Variants in MACROD2 observed in about 807,000 individuals in gnomAD.
MACROD2 encodes the protein ADP-ribose glycohydrolase MACROD2.
A neutral mutation model predicts 70.4 loss-of-function variants in MACROD2; 36 were observed. The observed-to-expected ratio is 0.51, with a 90% CI of 0.39 to 0.68. The LOEUF (loss-of-function observed/expected upper bound fraction) is 0.68, where lower values mean the gene tolerates loss of function less well. Among genes scored for constraint, MACROD2 ranks in the 30% least tolerant of loss-of-function variants. The pLI is 0.00. For missense variants in MACROD2, 496 were observed against 538.4 expected (o/e 0.92, Z 0.78); for synonymous variants, 172 against 178.8 (o/e 0.96, Z 0.30).
At chr20:15,812,119 T>G (rs1032944330) in intron 8 of MACROD2, among the ~76,000 whole-genome samples, 17 of 152,346 alleles carry the variant, frequency 1.1e-4, no homozygotes, top group African/African-American at 4.1e-4. Context: ...TTACTCCAGC[T>G]CAGTGTTTAA....
intron 5 of MACROD2, among the ~76,000 whole-genome samples, chr20:14,769,694 A>G (rs1407262493): frequency 6.6e-6 from 1 of 152,068 alleles, no homozygotes; most frequent in Non-Finnish European, 1.5e-5. Flanking sequence ...CCTTACATAC[A>G]CATCTGGTTG....
chr20:14,632,473 ATGTTATTC>A lies in MACROD2; in HGVS notation c.302-52365_302-52358del, dbSNP rs1207759408. 7.2e-5 allele frequency among the ~76,000 whole-genome samples: 11 copies of A among 152,258 alleles called. No homozygotes were observed. The East Asian group carries it at 2.1e-3, about 29-fold the overall frequency. On this transcript the variant is annotated intron_variant, in intron 4 of 17. Transcript: ENST00000684519. ...GCAGCAAACATAATATTTAGGAAGTATGTTATTCTGTTTTCTTAAGTACATAATGATAA... is the reference window on the plus strand; with the variant it reads ...GCAGCAAACATAATATTTAGGAAGTATGTTTTCTTAAGTACATAATGATAA...
At chr20:14,417,633 G>A (rs181920826) in intron 3 of MACROD2, among the ~76,000 whole-genome samples, 1 of 152,290 alleles carries the variant, frequency 6.6e-6, no homozygotes, top group East Asian at 1.9e-4. Context: ...ACATTTTTGT[G>A]TAGGATATTA....
chr20:16,049,809 A>G (rs753645698), intron 17 of MACROD2, 21 bp from the exon 18 acceptor site: 3 of 1,612,910 alleles, frequency 1.9e-6, no homozygotes, highest in African/African-American at 2.7e-5. Flanking sequence ...AATCTAACAA[A>G]TGGCTTCTCT....
At chr20:14,994,047 T>A (rs2074928577) in intron 5 of MACROD2, among the ~76,000 whole-genome samples, 1 of 152,146 alleles carries the variant, frequency 6.6e-6, no homozygotes. Flanking sequence ...CCCTATAGGT[T>A]GGAGAAGACA....
At chr20:14,581,936 G>A (rs1981049045) in intron 4 of MACROD2, among the ~76,000 whole-genome samples, 1 of 152,146 alleles carries the variant, frequency 6.6e-6, no homozygotes, top group African/African-American at 2.4e-5. Context: ...TATGTCTCAG[G>A]CAGACAGTTC....
intron 8 of MACROD2, among the ~76,000 whole-genome samples, chr20:15,540,175 T>G (rs1353766718): frequency 6.6e-6 from 1 of 152,132 alleles, no homozygotes; most frequent in Admixed American, 6.5e-5. Context: ...GCTGGGTGCA[T>G]GAACTAAAAT....
intron 8 of MACROD2, among the ~76,000 whole-genome samples, chr20:15,546,876 G>C (rs1334577039): frequency 6.6e-6 from 1 of 152,186 alleles, no homozygotes; most frequent in Non-Finnish European, 1.5e-5. Flanking sequence ...TGCATGTCAA[G>C]CAGTGAATTG....
chr20:14,386,411 T>A (rs2083468302), intron 3 of MACROD2, among the ~76,000 whole-genome samples: 1 of 152,234 alleles, frequency 6.6e-6, no homozygotes, highest in Non-Finnish European at 1.5e-5. Flanking sequence ...TTTGTCCTCA[T>A]GCAAATATCA....
intron 10 of MACROD2, among the ~76,000 whole-genome samples, chr20:15,901,059 T>C (rs2065056294): frequency 6.6e-6 from 1 of 152,208 alleles, no homozygotes; most frequent in South Asian, 2.1e-4. Context: ...TTCCTTTTAA[T>C]GTGAACAAAA....
chr20:14,563,400 C>T (rs1367942396), intron 4 of MACROD2, among the ~76,000 whole-genome samples: 1 of 151,832 alleles, frequency 6.6e-6, no homozygotes, highest in Non-Finnish European at 1.5e-5. Context: ...AATATTTAAA[C>T]GTTAGCAGTT....
intron 3 of MACROD2, among the ~76,000 whole-genome samples, chr20:14,125,333 C>A (rs748671206): frequency 7.2e-5 from 11 of 152,134 alleles, no homozygotes; most frequent in Admixed American, 1.3e-4. Flanking sequence ...AAAAAATAAG[C>A]AAACTCACAG....
intron 5 of MACROD2, among the ~76,000 whole-genome samples, chr20:15,097,707 C>T (rs1300791005): frequency 6.6e-6 from 1 of 152,096 alleles, no homozygotes; most frequent in African/African-American, 2.4e-5. Flanking sequence ...GTTGAAAGAT[C>T]AAGTAGATGC....
intron 5 of MACROD2, among the ~76,000 whole-genome samples, chr20:15,098,754 G>A (rs1214377947): frequency 6.6e-6 from 1 of 152,228 alleles, no homozygotes; most frequent in East Asian, 1.9e-4. Flanking sequence ...AGCACCTAAG[G>A]TGGTGATATC....
chr20:14,564,723 C>A (rs1043523946), intron 4 of MACROD2, among the ~76,000 whole-genome samples: 1 of 151,856 alleles, frequency 6.6e-6, no homozygotes, highest in African/African-American at 2.4e-5. Context: ...AAAGAAAATT[C>A]TTATACACTG....
At chr20:15,587,637 TG>T (rs1304994359) in intron 8 of MACROD2, among the ~76,000 whole-genome samples, 1 of 152,126 alleles carries the variant, frequency 6.6e-6, no homozygotes, top group Non-Finnish European at 1.5e-5. Context: ...CCATTCCAAA[TG>T]GGAGAAATTG....
intron 5 of MACROD2, among the ~76,000 whole-genome samples, chr20:14,782,086 G>C (rs2072309340): frequency 6.6e-6 from 1 of 151,870 alleles, no homozygotes; most frequent in Non-Finnish European, 1.5e-5. Flanking sequence ...ACCACGCCCA[G>C]ATAATTTTTG....
chr20:15,174,946 T>A (rs6135357), intron 5 of MACROD2, among the ~76,000 whole-genome samples: 62,243 of 151,538 alleles, frequency 0.41, 13,991 homozygotes, highest in East Asian at 0.72. Flanking sequence ...TTTCTCCCAT[T>A]TTGTAGGTTG....
intron 5 of MACROD2, among the ~76,000 whole-genome samples, chr20:15,067,609 C>G (rs2075587710): frequency 1.3e-5 from 2 of 152,054 alleles, no homozygotes; most frequent in Non-Finnish European, 2.9e-5. Flanking sequence ...CTCAGCCTCC[C>G]AAAGTGCTGG....
Sources: allele counts gnomAD v4.1 joint callset (sites outside exome capture counted in the v4.1 genomes callset), GRCh38; gene constraint gnomAD v4.1.1; transcripts MANE v1.5; gene names NCBI Gene and HGNC (gene_info 2026-07-23, HGNC 2026-07-21).